The following MAD1L1 variants were observed in gnomAD, a reference collection of about 807,000 sequenced individuals.
The protein encoded by MAD1L1 is mitotic spindle assembly checkpoint protein MAD1.
A neutral mutation model predicts 96.9 loss-of-function variants in MAD1L1; 95 were observed. The ratio of observed to expected loss-of-function variants is 0.98; its 90% CI spans 0.83 to 1.16. The LOEUF (loss-of-function observed/expected upper bound fraction) is 1.16. Ranked by LOEUF, MAD1L1 falls within the 50% of genes most tolerant of loss-of-function variation. The pLI is 0.00. For missense variants in MAD1L1, 1,007 were observed against 954.4 expected (o/e 1.06, Z -0.73); for synonymous variants, 473 against 396.6 (o/e 1.19, Z -2.29).
At chr7:2,080,014 G>T in intron 11 of MAD1L1, 1 of 304,510 alleles carries the variant, frequency 3.3e-6, no homozygotes, top group Non-Finnish European at 6.4e-6. Context: ...CCGTGCGTCC[G>T]TCAACCCTGT....
At chr7:2,194,718 G>A (rs1334419222) in intron 10 of MAD1L1, among the ~76,000 whole-genome samples, 1 of 152,110 alleles carries the variant, frequency 6.6e-6, no homozygotes, top group Non-Finnish European at 1.5e-5. Context: ...TTTAGTTACA[G>A]AAACTCAAAG....
Position 1,816,162 on chromosome 7 carries a change from G to A in MAD1L1, c.2065C>T (p.Leu689Phe), listed in dbSNP as rs754662726. The A allele has an allele frequency of 4.3e-6, 7 of 1,613,486 alleles. No homozygotes were observed. Among genetic ancestry groups the A allele is most frequent in the Middle Eastern group, 1.7e-4 (1 of 5,770 alleles). Residue 689 changes from leucine to phenylalanine, a missense_variant, in exon 19 of 19, where the codon CTC becomes TTC. Coordinates refer to ENST00000265854, the MANE Select transcript of MAD1L1 (RefSeq NM_001013836.2). ...TGGCGCCGCAGGTGCACCTCGATGA[G>A]CTCGCCCACGGTGTGTGAGAACTCT... is the stretch of plus-strand genomic sequence containing the variant. The part of the protein sequence containing the change: ...ETEFSHTVGE[L>F]IEVHLRRQDS...
At chr7:1,847,253 A>C (rs1783679328) in intron 18 of MAD1L1, 1 of 470,858 alleles carries the variant, frequency 2.1e-6, no homozygotes, top group Non-Finnish European at 4.4e-6. Context: ...TTTAGGAAGC[A>C]CTGGTTTTCT....
rs139148223 is a variant in MAD1L1 at position 2,142,701 on chromosome 7, G to A, written c.1073+6451C>T. On this transcript the variant is annotated intron_variant, in intron 11 of 18. Coordinates refer to ENST00000265854, the MANE Select transcript of MAD1L1 (RefSeq NM_001013836.2). This position sits in a 1 kb window ranked among gnomAD's most constrained non-coding sequence, Gnocchi z 4.7. The stretch of plus-strand genomic sequence containing the variant: ...CCTTCTGCCAAAGACCATTTACATC[G>A]AGTGGCGCCAAAGCCGAACGGACGC... 4.0e-4 allele frequency among the ~76,000 whole-genome samples: 61 copies of A among 152,336 alleles called. No individual in the cohort carries two copies. Among genetic ancestry groups the A allele is most frequent in the Middle Eastern group, 3.4e-3 (1 of 294 alleles).
chr7:2,200,280 C>T (rs1224710897), intron 10 of MAD1L1: 1 of 152,450 alleles, frequency 6.6e-6, no homozygotes, highest in Non-Finnish European at 1.5e-5. Context: ...TCTTCTCCAC[C>T]TCATCCACAT....
chr7:1,937,359 A>C (rs987443456), intron 16 of MAD1L1, among the ~76,000 whole-genome samples: 1 of 152,212 alleles, frequency 6.6e-6, no homozygotes, highest in African/African-American at 2.4e-5. Context: ...TCAACCACAC[A>C]GAGATGGAAG....
intron 18 of MAD1L1, among the ~76,000 whole-genome samples, chr7:1,824,049 C>T (rs118025257): frequency 0.016 from 2,420 of 152,274 alleles, 26 homozygotes; most frequent in Middle Eastern, 0.031. Flanking sequence ...GGGTGTCCTG[C>T]AGCTGGGTCC....
chr7:1,890,304 G>A (rs1426626538), intron 18 of MAD1L1, among the ~76,000 whole-genome samples: 1 of 152,212 alleles, frequency 6.6e-6, no homozygotes, highest in Non-Finnish European at 1.5e-5. Flanking sequence ...TGGGGTCACA[G>A]GCCTCACCCA....
chr7:1,884,733 C>T (rs929207866), intron 18 of MAD1L1, among the ~76,000 whole-genome samples: 11 of 152,212 alleles, frequency 7.2e-5, no homozygotes, highest in African/African-American at 2.4e-4. Context: ...GTGGAGCGGA[C>T]CACGCCTGCG....
At chr7:1,946,928 G>A (rs571079096) in intron 16 of MAD1L1, among the ~76,000 whole-genome samples, 2 of 152,260 alleles carry the variant, frequency 1.3e-5, no homozygotes, top group Non-Finnish European at 2.9e-5. Context: ...TCAGGGGACT[G>A]TCTACAGCCC....
intron 18 of MAD1L1, among the ~76,000 whole-genome samples, chr7:1,865,144 C>T (rs1784719360): frequency 6.6e-6 from 1 of 152,190 alleles, no homozygotes; most frequent in Admixed American, 6.5e-5. Context: ...CTGTCTGGGA[C>T]TCCCGGAAGG....
chr7:2,165,527 C>G (rs993652724), intron 10 of MAD1L1, among the ~76,000 whole-genome samples: 5 of 152,230 alleles, frequency 3.3e-5, no homozygotes. Flanking sequence ...CCACCAGGAC[C>G]ACCCTCTGCA....
chr7:1,943,945 G>A (rs1310558366), intron 16 of MAD1L1, among the ~76,000 whole-genome samples: 1 of 152,186 alleles, frequency 6.6e-6, no homozygotes, highest in Non-Finnish European at 1.5e-5. Context: ...ATAAGATGCG[G>A]CCGTGCACAG....
chr7:2,084,935 A>G (rs888472221), intron 11 of MAD1L1, among the ~76,000 whole-genome samples: 1 of 152,202 alleles, frequency 6.6e-6, no homozygotes, highest in African/African-American at 2.4e-5. Context: ...CATTGCCGTC[A>G]TCGTTTCCTG....
chr7:2,128,623 A>C (rs541374867), intron 11 of MAD1L1, among the ~76,000 whole-genome samples: 20 of 152,346 alleles, frequency 1.3e-4, no homozygotes, highest in South Asian at 2.1e-4. Flanking sequence ...TGAGCGGCAA[A>C]GCAGAAAACA....
At chr7:2,098,512 A>C (rs1786614979) in intron 11 of MAD1L1, among the ~76,000 whole-genome samples, 1 of 152,204 alleles carries the variant, frequency 6.6e-6, no homozygotes, top group Admixed American at 6.5e-5. Context: ...CGTACGCAGC[A>C]GCAGTCACCC....
intron 13 of MAD1L1, among the ~76,000 whole-genome samples, chr7:2,004,457 C>T (rs1781939366): frequency 6.6e-6 from 1 of 152,264 alleles, no homozygotes; most frequent in African/African-American, 2.4e-5. Context: ...CACATGGCAA[C>T]CTTGCAAGGT....
intron 11 of MAD1L1, among the ~76,000 whole-genome samples, chr7:2,071,195 G>A (rs1235695411): frequency 6.7e-6 from 1 of 148,958 alleles, no homozygotes; most frequent in East Asian, 1.9e-4. Context: ...TGAATACGGG[G>A]TTTTTAACTG....
chr7:2,007,911 G>A (rs1348977581), intron 13 of MAD1L1, among the ~76,000 whole-genome samples: 1 of 152,200 alleles, frequency 6.6e-6, no homozygotes, highest in East Asian at 1.9e-4. Flanking sequence ...ATGAACTGCT[G>A]ATACAACGTT....
Sources: allele counts gnomAD v4.1 joint callset (sites outside exome capture counted in the v4.1 genomes callset), GRCh38; gene constraint gnomAD v4.1.1; non-coding constraint Gnocchi (gnomAD v3.1); transcripts MANE v1.5; gene names NCBI Gene and HGNC (gene_info 2026-07-23, HGNC 2026-07-21).